The following ATRNL1 variants were observed in gnomAD, a reference collection of about 807,000 sequenced individuals.
ATRNL1 encodes attractin-like protein 1.
In ATRNL1, 95 loss-of-function variants were observed where a neutral mutation model predicts 182.7. The observed-to-expected ratio is 0.52, with a 90% CI of 0.44 to 0.62. The LOEUF (loss-of-function observed/expected upper bound fraction) is 0.62. Among genes scored for constraint, ATRNL1 ranks in the 20% least tolerant of loss-of-function variants. The pLI, the probability that ATRNL1 is intolerant of heterozygous loss-of-function variation, is 0.00. For missense variants in ATRNL1, 1,471 were observed against 1,679.5 expected (o/e 0.88, Z 2.17); for synonymous variants, 576 against 568.3 (o/e 1.01, Z -0.19).
chr10:115,623,788 G>A (rs896458003), intron 26 of ATRNL1, among the ~76,000 whole-genome samples: 4 of 152,092 alleles, frequency 2.6e-5, no homozygotes, highest in South Asian at 2.1e-4. Context: ...AAAGGTAGAC[G>A]TAGTAAAATA....
At chr10:115,776,487 T>A (rs903620808) in intron 27 of ATRNL1, among the ~76,000 whole-genome samples, 9 of 152,200 alleles carry the variant, frequency 5.9e-5, no homozygotes, top group African/African-American at 2.2e-4. Flanking sequence ...TCCTCTTGAA[T>A]CTGGGTGGGA....
At chr10:115,471,461 A>G (rs573661246) in intron 24 of ATRNL1, among the ~76,000 whole-genome samples, 6 of 151,100 alleles carry the variant, frequency 4.0e-5, no homozygotes, top group South Asian at 2.1e-4. Context: ...CATTCCACCA[A>G]TTGTGTGTAA....
At chr10:115,569,033 A>G (rs1300858220) in intron 26 of ATRNL1, among the ~76,000 whole-genome samples, 2 of 152,070 alleles carry the variant, frequency 1.3e-5, no homozygotes, top group Admixed American at 1.3e-4. Context: ...CAAGAAAGAA[A>G]AAATCTTGGC....
At chr10:115,355,929 T>G (rs1386015874) in intron 19 of ATRNL1, among the ~76,000 whole-genome samples, 1 of 152,054 alleles carries the variant, frequency 6.6e-6, no homozygotes, top group African/African-American at 2.4e-5. Context: ...TTTTTCAGTT[T>G]TGGGGAAAAA....
chr10:115,432,434 C>A (rs538210492), intron 21 of ATRNL1, among the ~76,000 whole-genome samples: 1 of 152,068 alleles, frequency 6.6e-6, no homozygotes, highest in South Asian at 2.1e-4. Flanking sequence ...ACGTTTAAAG[C>A]TTAATATTTG....
intron 20 of ATRNL1, among the ~76,000 whole-genome samples, chr10:115,399,560 C>T (rs534706330): frequency 9.8e-4 from 148 of 151,750 alleles, no homozygotes; most frequent in African/African-American, 3.3e-3. Context: ...TTCTCTTTTT[C>T]CTTTGTTAGT....
At chr10:115,302,627 A>G (rs1853530223) in intron 17 of ATRNL1, among the ~76,000 whole-genome samples, 1 of 152,196 alleles carries the variant, frequency 6.6e-6, no homozygotes, top group African/African-American at 2.4e-5. Flanking sequence ...GCTATGAGTT[A>G]TACTTCAGGA....
At chr10:115,651,175 G>A (rs1859973437) in intron 26 of ATRNL1, among the ~76,000 whole-genome samples, 1 of 152,124 alleles carries the variant, frequency 6.6e-6, no homozygotes, top group South Asian at 2.1e-4. Context: ...TTAAAAGAAA[G>A]TGTATGTTTG....
intron 28 of ATRNL1, among the ~76,000 whole-genome samples, chr10:115,885,980 G>T (rs1273281147): frequency 3.9e-5 from 6 of 152,184 alleles, no homozygotes; most frequent in African/African-American, 1.4e-4. Flanking sequence ...TTATTACCTT[G>T]TGACAATGTC....
intron 19 of ATRNL1, among the ~76,000 whole-genome samples, chr10:115,359,437 T>C (rs553629883): frequency 4.0e-5 from 6 of 151,786 alleles, no homozygotes; most frequent in Non-Finnish European, 8.9e-5. Context: ...ATTTTTACTT[T>C]ACAGGAAGAG....
At chr10:115,784,594 A>G (rs1949350171) in intron 27 of ATRNL1, among the ~76,000 whole-genome samples, 1 of 152,222 alleles carries the variant, frequency 6.6e-6, no homozygotes, top group African/African-American at 2.4e-5. Context: ...GCCAAAATCA[A>G]GATGTCAACA....
intron 15 of ATRNL1, among the ~76,000 whole-genome samples, chr10:115,289,288 A>T (rs944647745): frequency 3.9e-5 from 6 of 152,206 alleles, no homozygotes; most frequent in Non-Finnish European, 8.8e-5. Context: ...TCAAGATGAG[A>T]TATGGATGGG....
intron 28 of ATRNL1, among the ~76,000 whole-genome samples, chr10:115,863,092 G>C (rs975694299): frequency 1.3e-5 from 2 of 152,082 alleles, no homozygotes; most frequent in African/African-American, 2.4e-5. Context: ...AAGCGAAATG[G>C]GGTATAAAAA....
intron 19 of ATRNL1, among the ~76,000 whole-genome samples, chr10:115,361,778 C>G (rs1412223801): frequency 1.3e-5 from 2 of 151,934 alleles, no homozygotes; most frequent in African/African-American, 2.4e-5. Context: ...TTATAGCACT[C>G]TTGGCCCTTT....
chr10:115,345,246 G>A (rs1436134495), intron 19 of ATRNL1, among the ~76,000 whole-genome samples: 2 of 152,192 alleles, frequency 1.3e-5, no homozygotes, highest in Non-Finnish European at 2.9e-5. Flanking sequence ...TTTAGCCCTT[G>A]GTGGTGAGGT....
intron 24 of ATRNL1, among the ~76,000 whole-genome samples, chr10:115,499,760 A>T (rs1849722517): frequency 6.6e-6 from 1 of 152,166 alleles, no homozygotes; most frequent in African/African-American, 2.4e-5. Flanking sequence ...CATTTATCTT[A>T]GTGAGCCGAG....
chr10:115,917,952 T>C (rs565948040), intron 28 of ATRNL1, among the ~76,000 whole-genome samples: 1 of 152,304 alleles, frequency 6.6e-6, no homozygotes, highest in East Asian at 1.9e-4. Flanking sequence ...TAATAATTGT[T>C]AAAATAGTAA....
At chr10:115,517,154 T>C (rs543140301) in intron 24 of ATRNL1, among the ~76,000 whole-genome samples, 1 of 151,980 alleles carries the variant, frequency 6.6e-6, no homozygotes, top group East Asian at 1.9e-4. Flanking sequence ...ATATGCATGT[T>C]AATAATTTCT....
Position 115,175,494 on chromosome 10 carries a change from A to T in ATRNL1, c.1348+4202A>T, listed in dbSNP as rs190236593. On this transcript the variant is annotated intron_variant, in intron 8 of 28. Coordinates refer to ENST00000355044, the MANE Select transcript of ATRNL1 (RefSeq NM_207303.4). ...TTCTACAACCAAAATACTATGTCTA[A>T]ATAAATTTATCTGCAGGGTATTTTT... 1.9e-3 allele frequency among the ~76,000 whole-genome samples: 291 copies of T among 152,160 alleles called. 1 individual carries two copies. Among genetic ancestry groups the T allele is most frequent in the Admixed American group, 0.016 (243 of 15,244 alleles).
Sources: gnomAD v4.1 joint callset for allele counts (sites outside exome capture counted in the v4.1 genomes callset) on GRCh38, gnomAD v4.1.1 for gene constraint, MANE v1.5 for transcripts, NCBI Gene and HGNC (gene_info 2026-07-23, HGNC 2026-07-21) for gene names.